Variants in TXNRD1 observed in about 807,000 individuals in gnomAD.
TXNRD1 encodes the protein thioredoxin reductase 1, cytoplasmic.
In TXNRD1, 57 loss-of-function variants were observed where a neutral mutation model predicts 80.3. That is an observed-to-expected ratio of 0.71 (90% confidence interval 0.57 to 0.89). The LOEUF is 0.89. TXNRD1 is among the 40% of genes least tolerant of loss of function. The pLI is 0.00. For missense variants in TXNRD1, 730 were observed against 803.0 expected (o/e 0.91, Z 1.10); for synonymous variants, 291 against 285.2 (o/e 1.02, Z -0.20).
At chr12:104,233,914 A>G (rs1009402772) in intron 1 of TXNRD1, among the ~76,000 whole-genome samples, 1 of 152,218 alleles carries the variant, frequency 6.6e-6, no homozygotes, top group African/African-American at 2.4e-5. Flanking sequence ...TTCAAGCAAA[A>G]GTCAAAAGGG....
intron 10 of TXNRD1, among the ~76,000 whole-genome samples, chr12:104,324,044 G>A (rs192597104): frequency 1.3e-5 from 2 of 152,286 alleles, no homozygotes; most frequent in African/African-American, 4.8e-5. Context: ...TGTAGTATGT[G>A]TACAAAGGCT....
intron 3 of TXNRD1, among the ~76,000 whole-genome samples, chr12:104,285,531 A>C (rs375966944): frequency 4.6e-5 from 7 of 152,364 alleles, no homozygotes; most frequent in African/African-American, 9.6e-5. Context: ...TGAGCTGTCT[A>C]TACAAGATGC....
intron 7 of TXNRD1, among the ~76,000 whole-genome samples, chr12:104,318,184 G>T (rs1282234848): frequency 1.3e-5 from 2 of 152,124 alleles, no homozygotes; most frequent in Non-Finnish European, 2.9e-5. Context: ...TTACTTTAGT[G>T]TCCTGACTTA....
chr12:104,248,724 A>G (rs1824381614), intron 1 of TXNRD1, among the ~76,000 whole-genome samples: 1 of 152,260 alleles, frequency 6.6e-6, no homozygotes, highest in African/African-American at 2.4e-5. Flanking sequence ...CTTACGGCAG[A>G]TACTGCAGGT....
chr12:104,287,093 A>G (rs2033993796), intron 3 of TXNRD1: 4 of 1,445,202 alleles, frequency 2.8e-6, no homozygotes, highest in Non-Finnish European at 3.6e-6. Context: ...TGATGTCTTC[A>G]TCATTCTCAA....
In TXNRD1 at chr12:104,331,550, T is replaced by A; in HGVS notation, c.1559T>A (p.Val520Asp). 6.2e-7 allele frequency: 1 copy of A among 1,609,272 alleles called. No homozygotes were observed. Among genetic ancestry groups the A allele is most frequent in the Non-Finnish European group, 8.5e-7 (1 of 1,177,058 alleles). Residue 520 changes from valine to aspartate, a missense_variant, in exon 14 of 17, where the codon GTT becomes GAT. Physicochemically the swap from Val to Asp is radical, Grantham distance 152 (BLOSUM62 -3). Coordinates refer to ENST00000525566, the MANE Select transcript of TXNRD1 (RefSeq NM_001093771.3). ...TTTAAACAGTGTGACTATGAAAATG[T>A]TCCAACCACTGTATTTACTCCTTTG... Reference protein sequence around the residue: ...GSTVKCDYENVPTTVFTPLEY... With the variant: ...GSTVKCDYENDPTTVFTPLEY...
intron 1 of TXNRD1, among the ~76,000 whole-genome samples, chr12:104,216,385 C>G (rs1057023835): frequency 1.3e-5 from 2 of 152,226 alleles, no homozygotes; most frequent in Admixed American, 6.5e-5. Flanking sequence ...TTGTCCGACA[C>G]GCCTTCCCGG....
intron 1 of TXNRD1, among the ~76,000 whole-genome samples, chr12:104,250,785 G>A (rs1371179774): frequency 6.6e-6 from 1 of 152,172 alleles, no homozygotes; most frequent in Non-Finnish European, 1.5e-5. Flanking sequence ...AGTAGTAAGG[G>A]TGGGCTTGAA....
At chr12:104,252,180 A>G (rs1193607640) in intron 2 of TXNRD1, among the ~76,000 whole-genome samples, 2 of 152,190 alleles carry the variant, frequency 1.3e-5, no homozygotes, top group Admixed American at 1.3e-4. Context: ...GCTTTTGGGA[A>G]GTATGAGACA....
chr12:104,218,259 C>T (rs890159854), intron 1 of TXNRD1, among the ~76,000 whole-genome samples: 4 of 151,894 alleles, frequency 2.6e-5, no homozygotes, highest in Non-Finnish European at 5.9e-5. Flanking sequence ...CTCTTGACCT[C>T]GTGATCTTCC....
At chr12:104,254,965 C>T (rs886134122) in intron 2 of TXNRD1, among the ~76,000 whole-genome samples, 1 of 151,792 alleles carries the variant, frequency 6.6e-6, no homozygotes, top group South Asian at 2.1e-4. Flanking sequence ...ATTAGCCAGG[C>T]ATGGTGGTGA....
At chr12:104,325,532 C>A in intron 11 of TXNRD1, 103 bp downstream of exon 11, 2 of 834,504 alleles carry the variant, frequency 2.4e-6, no homozygotes, top group Non-Finnish European at 3.9e-6. Context: ...TCCAAATGTA[C>A]TGGTTCTATG....
intron 3 of TXNRD1, among the ~76,000 whole-genome samples, chr12:104,281,255 C>T (rs1405763025): frequency 6.6e-6 from 1 of 152,178 alleles, no homozygotes. Context: ...TTATTCCATC[C>T]ATCTGTACAA....
chr12:104,297,688 A>G (rs989914795), intron 4 of TXNRD1, among the ~76,000 whole-genome samples: 2 of 152,110 alleles, frequency 1.3e-5, no homozygotes, highest in South Asian at 2.1e-4. Context: ...AATGATGACA[A>G]CCACTCTGTA....
Position 104,321,309 on chromosome 12 carries a change from C to A in TXNRD1, c.1208C>A (p.Pro403Gln). 6.2e-7 allele frequency: 1 copy of A among 1,613,502 alleles called. No individual in the cohort carries two copies. ...ATCAAGTTTATAAGACAGTTCGTAC[C>A]AATTAAAGTAAGTGGGTTTGCCTGT... ...HGIKFIRQFV[P>Q]IKVEQIEAGT... is the part of the protein sequence containing the mutation. The change falls in exon 10 of 17, where the codon CCA becomes CAA. Residue 403 changes from proline to glutamine, a missense_variant. By Grantham distance (76) the Pro-to-Gln change is moderately conservative. Coordinates refer to ENST00000525566, the MANE Select transcript of TXNRD1 (RefSeq NM_001093771.3).
chr12:104,310,022 T>C (rs1440462402), intron 4 of TXNRD1: 1 of 1,536,136 alleles, frequency 6.5e-7, no homozygotes, highest in African/African-American at 1.4e-5. Flanking sequence ...AGAACCTTCT[T>C]CTTCCGCTGA....
intron 3 of TXNRD1, among the ~76,000 whole-genome samples, chr12:104,262,816 T>C (rs1208145913): frequency 1.3e-5 from 2 of 152,020 alleles, no homozygotes; most frequent in Non-Finnish European, 2.9e-5. Context: ...ATTCCTTTTA[T>C]TTTCCTTTAG....
chr12:104,333,880 T>G (rs1264583655), intron 14 of TXNRD1, among the ~76,000 whole-genome samples: 1 of 152,230 alleles, frequency 6.6e-6, no homozygotes, highest in Non-Finnish European at 1.5e-5. Context: ...CAAGTTGTCA[T>G]TCACAGTGGA....
At chr12:104,325,960 A>G (rs1565905413) in intron 11 of TXNRD1, among the ~76,000 whole-genome samples, 1 of 152,124 alleles carries the variant, frequency 6.6e-6, no homozygotes, top group Non-Finnish European at 1.5e-5. Context: ...AAATGGCTAT[A>G]CAAAGGCAAC....
Sources: allele counts gnomAD v4.1 joint callset (sites outside exome capture counted in the v4.1 genomes callset), GRCh38; gene constraint gnomAD v4.1.1; transcripts MANE v1.5; gene names NCBI Gene and HGNC (gene_info 2026-07-23, HGNC 2026-07-21).